Variants in SCN4A observed in about 807,000 individuals in gnomAD.
SCN4A encodes sodium channel protein type 4 subunit alpha.
SCN4A carries 83 observed loss-of-function variants against 162.0 expected under a neutral mutation model. That is an observed-to-expected ratio of 0.51 (90% CI 0.43 to 0.61). The LOEUF (loss-of-function observed/expected upper bound fraction) is 0.61, where lower values mean the gene tolerates loss of function less well. Among genes scored for constraint, SCN4A ranks in the 20% least tolerant of loss-of-function variants. SCN4A has a pLI of 0.00. For synonymous variants in SCN4A, 944 were observed against 985.1 expected (o/e 0.96, Z 0.78); for missense variants, 2,196 against 2,462.5 (o/e 0.89, Z 2.29).
At position 63,945,628 on chromosome 17, in the gene SCN4A, T is replaced by C; in HGVS notation, c.3452A>G (p.Asn1151Ser). ...SRFEGMRVVVNALLGAIPSIM... is the reference protein window; with the variant it reads ...SRFEGMRVVVSALLGAIPSIM... The stretch of plus-strand genomic sequence containing the variant: ...GGAGGGGATGGCGCCTAGGAGGGCG[T>C]TCACCACCACCTGGGGGCCAGGGGG... The change falls in exon 19 of 24, where the codon AAC becomes AGC. Residue 1151 changes from asparagine to serine, a missense_variant. By Grantham distance (46) the Asn-to-Ser change is conservative. Transcript: ENST00000435607. The surrounding 1 kb of genome is among the most constrained non-coding windows in gnomAD (Gnocchi z 4.4). The C allele has an allele frequency of 6.2e-7, 1 of 1,613,734 alleles. No homozygotes were observed. The highest frequency in any genetic ancestry group is 8.5e-7 in the Non-Finnish European group (1 of 1,179,796).
intron 5 of SCN4A, among the ~76,000 whole-genome samples, chr17:63,968,858 TAGAG>T (rs935441717): frequency 4.6e-4 from 70 of 152,370 alleles, no homozygotes; most frequent in African/African-American, 1.7e-3. Context: ...TGTATTTATT[TAGAG>T]AGAGTCTCAT....
chr17:63,944,857 C>T lies in SCN4A; in HGVS notation c.3775-47G>A. 4 of 1,606,490 alleles carry T rather than the reference C, an allele frequency of 2.5e-6. No individual in the cohort carries two copies. Among genetic ancestry groups the T allele is most frequent in the Non-Finnish European group, 2.6e-6 (3 of 1,176,022 alleles). On this transcript the variant is annotated intron_variant, in intron 20 of 23. Transcript: ENST00000435607. This position sits in a 1 kb window ranked among gnomAD's most constrained non-coding sequence, Gnocchi z 4.3. Reference sequence around the variant, plus strand: ...ACGGCGTGGGTTTGCACGCTGGCTTCTCCCTGCCCCCCACAGCCCTGAGGG... The same window carrying T: ...ACGGCGTGGGTTTGCACGCTGGCTTTTCCCTGCCCCCCACAGCCCTGAGGG...
chr17:63,968,176 A>T lies in SCN4A; in HGVS notation c.883T>A (p.Tyr295Asn). ...PPFNDTNTTWYSNDTWYGNDT... is the reference protein window; with the variant it reads ...PPFNDTNTTWNSNDTWYGNDT... ...TTGCCGTACCACGTGTCATTGCTGT[A>T]CCACGTGGTGTTGGTGTCGTTGAAC... The change falls in exon 6 of 24, where the codon TAC becomes AAC. Residue 295 changes from tyrosine to asparagine, a missense_variant. Transcript: ENST00000435607. 5 of 1,613,902 alleles carry T rather than the reference A, an allele frequency of 3.1e-6. No homozygotes were observed. The Admixed American group carries it at 8.3e-5, about 27-fold the overall frequency.
Position 63,947,181 on chromosome 17 carries a change from G to C in SCN4A, c.3319-14C>G, listed in dbSNP as rs1197248713. ...GATGATGGAGACCTGCAGGGGAGGG[G>C]TGAGGGGATCAGTGCGTGCAAGGCC... On this transcript the variant is annotated splice_polypyrimidine_tract_variant and intron_variant, in intron 17 of 23. Coordinates refer to ENST00000435607, the MANE Select transcript of SCN4A (RefSeq NM_000334.4). 3 of 1,612,662 alleles carry C rather than the reference G, an allele frequency of 1.9e-6. No individual in the cohort carries two copies. The highest frequency in any genetic ancestry group is 2.5e-6 in the Non-Finnish European group (3 of 1,179,772).
rs1908450598 is a variant in SCN4A at position 63,939,443 on chromosome 17, A to G, written c.*1328T>C. Reference sequence around the variant, plus strand: ...GGCTCCAGTACACAGTGGTTCACACACACACATACAGTCACGCACTTGAAC... The same window carrying G: ...GGCTCCAGTACACAGTGGTTCACACGCACACATACAGTCACGCACTTGAAC... On this transcript the variant is annotated 3_prime_UTR_variant, in exon 24 of 24. Coordinates refer to ENST00000435607, the MANE Select transcript of SCN4A (RefSeq NM_000334.4). The G allele has an allele frequency of 6.6e-6, 1 of 152,464 alleles. No homozygotes were observed. The highest frequency in any genetic ancestry group is 1.5e-5 in the Non-Finnish European group (1 of 68,230). 9.4% of individuals were successfully genotyped at this position (152,464 alleles called of 1,614,324 possible).
Position 63,948,694 on chromosome 17 carries a change from G to A in SCN4A, c.3061C>T (p.Arg1021Cys), listed in dbSNP as rs774176490. 7.4e-6 allele frequency: 12 copies of A among 1,613,468 alleles called. No homozygotes were observed. Among genetic ancestry groups the A allele is most frequent in the South Asian group, 2.2e-5 (2 of 91,054 alleles). Residue 1021 changes from arginine (R) to cysteine (C), a missense_variant, in exon 16 of 24, where the codon CGC (arginine) becomes TGC (cysteine). By Grantham distance (180) the Arg-to-Cys change is radical. Coordinates refer to ENST00000435607, the MANE Select transcript of SCN4A (RefSeq NM_000334.4). ...TCGACAATCTTGAAGCAGGCCCTGC[G>A]CAGAGTCCACCACTTCTTCCCACGG... ...QGRGKKWWTL[R>C]RACFKIVEHN...
rs1386460364 is a variant in SCN4A at position 63,957,471 on chromosome 17, G to T, written c.2067C>A (p.Leu689=). ...LAKSWPTLNM[L]IKIIGNSVGA... ...CCACTGAATTGCCAATGATCTTGAT[G>T]AGCATGTTCAGCGTTGGCCACGACT... The change falls in exon 13 of 24, where the codon CTC becomes CTA. Residue 689 remains leucine, a synonymous_variant. Coordinates refer to ENST00000435607, the MANE Select transcript of SCN4A (RefSeq NM_000334.4). 44 of 1,613,812 alleles carry T rather than the reference G, an allele frequency of 2.7e-5. No individual in the cohort carries two copies. Among genetic ancestry groups the T allele is most frequent in the Non-Finnish European group, 3.6e-5 (43 of 1,179,868 alleles).
chr17:63,947,718 G>C (rs1487277462), intron 17 of SCN4A, among the ~76,000 whole-genome samples, 172 bp downstream of exon 17: 2 of 152,234 alleles, frequency 1.3e-5, no homozygotes, highest in Admixed American at 6.5e-5. Context: ...AGGCCTCCCA[G>C]TCCCTAACCC....
At chr17:63,956,515 G>A (rs1909075851) in intron 13 of SCN4A, among the ~76,000 whole-genome samples, 1 of 152,238 alleles carries the variant, frequency 6.6e-6, no homozygotes, top group Non-Finnish European at 1.5e-5. Context: ...CTATGGGCAT[G>A]AGCCACCACA....
Position 63,940,546 on chromosome 17 carries a change from C to G in SCN4A, c.*225G>C. The G allele has an allele frequency of 2.0e-6, 1 of 496,032 alleles. No individual in the cohort carries two copies. The highest frequency in any genetic ancestry group is 3.1e-5 in the East Asian group (1 of 32,004). The allele number at this position is 496,032 out of a possible 1,614,324, so 30.7% of individuals were successfully genotyped here. A position where few individuals can be genotyped will look rare whatever the true frequency, so the allele number is the denominator to read the frequency against. ...GGTTAAATCTTGGAGGCAGGGGCCTCAGACCCAGCATGGAGCCCCTGAGCG... is the reference window on the plus strand; with the variant it reads ...GGTTAAATCTTGGAGGCAGGGGCCTGAGACCCAGCATGGAGCCCCTGAGCG... On this transcript the variant is annotated 3_prime_UTR_variant, in exon 24 of 24. Coordinates refer to ENST00000435607, the MANE Select transcript of SCN4A (RefSeq NM_000334.4).
intron 11 of SCN4A, among the ~76,000 whole-genome samples, chr17:63,960,223 A>G (rs910053947): frequency 2.5e-4 from 38 of 152,232 alleles, no homozygotes; most frequent in Non-Finnish European, 4.9e-4. Flanking sequence ...GCAGGTGCCA[A>G]GGCAGCAGCA....
Position 63,944,656 on chromosome 17 carries a change from G to A in SCN4A, c.3912+17C>T, listed in dbSNP as rs375053441. Reference sequence around the variant, plus strand: ...GCCCAGCACCGGGAGGGCCCGAGGGGCTGGGCTGATACTCATCTTCTTCTT... The same window carrying A: ...GCCCAGCACCGGGAGGGCCCGAGGGACTGGGCTGATACTCATCTTCTTCTT... On this transcript the variant is annotated intron_variant, in intron 21 of 23. Coordinates refer to ENST00000435607, the MANE Select transcript of SCN4A (RefSeq NM_000334.4). This position sits in a 1 kb window ranked among gnomAD's most constrained non-coding sequence, Gnocchi z 4.3. 6.3e-7 allele frequency: 1 copy of A among 1,590,120 alleles called. No individual in the cohort carries two copies.
chr17:63,957,090 A>T, intron 13 of SCN4A, 72 bp downstream of exon 13: 1 of 1,043,750 alleles, frequency 9.6e-7, no homozygotes, highest in East Asian at 2.4e-5. Flanking sequence ...GAGATAGAAA[A>T]CAGTCAAATA....
rs376950185 is a variant in SCN4A at position 63,946,482 on chromosome 17, G to A, written c.3441+563C>T. On this transcript the variant is annotated intron_variant, in intron 18 of 23. Transcript: ENST00000435607. ...TTCTTGCCCCCCCCCCCACCCCGCC[G>A]CAACCCTGTGTTTACCTGCCACTTC... Among the ~76,000 whole-genome samples the A allele has an allele frequency of 6.5e-3, 344 of 52,606 alleles. 6 individuals are homozygous for A. Among genetic ancestry groups the A allele is most frequent in the African/African-American group, 0.026 (324 of 12,688 alleles). 34.5% of individuals were successfully genotyped at this position (52,606 alleles called of 152,430 possible).
In SCN4A at chr17:63,972,698, C is replaced by G. The variant is rs1235785007; in HGVS notation, c.144G>C (p.Glu48Asp). Residue 48 changes from glutamate (E) to aspartate (D), a missense_variant, in exon 1 of 24, where the codon GAG (glutamate) becomes GAC (aspartate). Coordinates refer to ENST00000435607, the MANE Select transcript of SCN4A (RefSeq NM_000334.4). This position sits in a 1 kb window ranked among gnomAD's most constrained non-coding sequence, Gnocchi z 4.3. ...RLQRNKQMEI[E>D]EPERKPRSDL... The stretch of plus-strand genomic sequence containing the variant: ...CACTTCGTGGCTTCCGTTCGGGCTC[C>G]TCAATCTCCATCTGCTTATTCCGCT... 3 of 1,613,822 alleles carry G rather than the reference C, an allele frequency of 1.9e-6. No homozygotes were observed. The highest frequency in any genetic ancestry group is 2.5e-6 in the Non-Finnish European group (3 of 1,179,804).
chr17:63,946,467 C>G lies in SCN4A; in HGVS notation c.3441+578G>C, dbSNP rs548502264. Reference sequence around the variant, plus strand: ...GGGGAAGTCCCATTTTTCTTGCCCCCCCCCCCACCCCGCCGCAACCCTGTG... The same window carrying G: ...GGGGAAGTCCCATTTTTCTTGCCCCGCCCCCCACCCCGCCGCAACCCTGTG... On this transcript the variant is annotated intron_variant, in intron 18 of 23. Coordinates refer to ENST00000435607, the MANE Select transcript of SCN4A (RefSeq NM_000334.4). 1.6e-3 allele frequency among the ~76,000 whole-genome samples: 203 copies of G among 127,036 alleles called. 5 individuals carry two copies. The highest frequency in any genetic ancestry group is 7.4e-3 in the Middle Eastern group (2 of 272). The allele number at this position is 127,036 out of a possible 152,430, so 83.3% of individuals were successfully genotyped here. A position where few individuals can be genotyped will look rare whatever the true frequency, so the allele number is the denominator to read the frequency against.
Position 63,961,304 on chromosome 17 carries a change from C to T in SCN4A, c.1734G>A (p.Pro578=), listed in dbSNP as rs1216814077. Residue 578 remains proline (P), a synonymous_variant, in exon 11 of 24, where the codon CCG becomes CCA. Transcript: ENST00000435607. ...AGATGGTGATGCCCAGGTCCACGAA[C>T]GGGTCCATGACGATCAGGTGGATGA... ...KNIIHLIVMD[P]FVDLGITICI... 6.2e-7 allele frequency: 1 copy of T among 1,613,684 alleles called. No individual in the cohort carries two copies. The highest frequency in any genetic ancestry group is 8.5e-7 in the Non-Finnish European group (1 of 1,179,794).
At chr17:63,967,992 C>T in intron 6 of SCN4A, 31 bp downstream of exon 6, 1 of 1,568,668 alleles carries the variant, frequency 6.4e-7, no homozygotes, top group Non-Finnish European at 8.8e-7. Flanking sequence ...GGGACAGGAT[C>T]CCCCTTGCCC....
rs751751228 is a variant in SCN4A at position 63,949,462 on chromosome 17, C to A, written c.2920G>T (p.Glu974Ter). ...VCSTADYKPPEEDPEEQAEEN... is the reference protein window; with the variant it reads ...VCSTADYKPP ...TCTGCCTGCTCCTCAGGGTCCTCCT[C>A]GGGGGGCTTGTAGTCAGCTGTGCTG... Residue 974 changes from glutamate (E) to a stop codon, truncating the protein, a stop_gained, in exon 15 of 24, where the codon GAG (glutamate) becomes TAG (stop). Transcript: ENST00000435607. LOFTEE classifies it high-confidence loss of function. The A allele has an allele frequency of 1.2e-6, 2 of 1,611,202 alleles. No homozygotes were observed. The highest frequency in any genetic ancestry group is 1.7e-6 in the Non-Finnish European group (2 of 1,178,642).
Sources: gnomAD v4.1 joint callset for allele counts (sites outside exome capture counted in the v4.1 genomes callset) on GRCh38, gnomAD v4.1.1 for gene constraint, Gnocchi (gnomAD v3.1) non-coding constraint, MANE v1.5 for transcripts, NCBI Gene and HGNC (gene_info 2026-07-23, HGNC 2026-07-21) for gene names.